NOX4: variants seen among roughly 807,000 people sequenced by gnomAD.
NOX4 encodes kidney oxidase-1.
Under a neutral mutation model 87.6 loss-of-function variants are expected in NOX4, and 69 were observed. The observed-to-expected ratio is 0.79, with a 90% CI of 0.65 to 0.96. The LOEUF is 0.96. Ranked by LOEUF, NOX4 falls within the 40% of genes least tolerant of loss-of-function variation. The pLI is 0.00. For missense variants in NOX4, 680 were observed against 681.5 expected, an observed-to-expected ratio of 1.00 and a Z score of 0.02; for synonymous variants, 275 against 238.2, an observed-to-expected ratio of 1.15 and a Z score of -1.42.
chr11:89,581,655 ACTAAGCCC>A, the NOX4 span, among the ~76,000 whole-genome samples: 1 of 152,144 alleles, frequency 6.6e-6, no homozygotes, highest in Non-Finnish European at 1.5e-5. Flanking sequence ...GTTCAAAGAG[ACTAAGCCC>A]CTAATAAATA....
At chr11:89,464,286 C>T (rs932689100) in intron 2 of NOX4, among the ~76,000 whole-genome samples, 23 of 152,166 alleles carry the variant, frequency 1.5e-4, no homozygotes, top group African/African-American at 5.5e-4. Flanking sequence ...CAAAACCCAA[C>T]TGGAAATTTT....
At chr11:89,588,867 G>A in the NOX4 span, among the ~76,000 whole-genome samples, 1 of 152,166 alleles carries the variant, frequency 6.6e-6, no homozygotes, top group Non-Finnish European at 1.5e-5. Flanking sequence ...GTCAATGGCT[G>A]AATATATACA....
At chr11:89,338,203 A>T (rs1045824983) in intron 15 of NOX4, among the ~76,000 whole-genome samples, 5 of 152,154 alleles carry the variant, frequency 3.3e-5, no homozygotes, top group African/African-American at 9.6e-5. Context: ...CTGCCTCTGC[A>T]AATGAAACTA....
intron 8 of NOX4, among the ~76,000 whole-genome samples, chr11:89,411,273 G>T (rs1016577762): frequency 6.6e-6 from 1 of 152,094 alleles, no homozygotes; most frequent in African/African-American, 2.4e-5. Flanking sequence ...GAGATGTACT[G>T]GCTTTAGGTG....
chr11:89,353,553 A>T (rs1328907220), intron 13 of NOX4, among the ~76,000 whole-genome samples: 3 of 152,198 alleles, frequency 2.0e-5, no homozygotes, highest in Admixed American at 6.5e-5. Context: ...GAATACTGTT[A>T]AAATTACTTT....
chr11:89,482,507 A>G (rs1298095502), intron 2 of NOX4, among the ~76,000 whole-genome samples: 1 of 152,014 alleles, frequency 6.6e-6, no homozygotes, highest in Admixed American at 6.6e-5. Context: ...AGGCCATACA[A>G]AGACATTGGA....
chr11:89,361,770 AT>A (rs780606496), intron 12 of NOX4, among the ~76,000 whole-genome samples: 6 of 152,070 alleles, frequency 3.9e-5, no homozygotes, highest in Non-Finnish European at 5.9e-5. Flanking sequence ...ATGAGATTTT[AT>A]TTTTAATTAA....
At chr11:89,430,015 T>C (rs113966567) in intron 7 of NOX4, among the ~76,000 whole-genome samples, 8,717 of 152,218 alleles carry the variant, frequency 0.057, 782 homozygotes, top group African/African-American at 0.19. Flanking sequence ...CATGATGAAG[T>C]GGGCTTCATC....
intron 2 of NOX4, among the ~76,000 whole-genome samples, chr11:89,458,417 T>C (rs1039521174): frequency 1.1e-4 from 16 of 152,236 alleles, no homozygotes; most frequent in African/African-American, 3.8e-4. Context: ...GATTTCATGA[T>C]GAAGACAACA....
the NOX4 span, among the ~76,000 whole-genome samples, chr11:89,569,751 C>A: frequency 6.6e-6 from 1 of 152,068 alleles, no homozygotes; most frequent in African/African-American, 2.4e-5. Context: ...CACCTGTAAT[C>A]CCAGTACTTT....
At chr11:89,340,206 T>A (rs774875782) in intron 14 of NOX4, 35 bp from the exon 15 acceptor site, 13 of 1,310,566 alleles carry the variant, frequency 9.9e-6, no homozygotes, top group Non-Finnish European at 1.4e-5. Context: ...GTGATTAGGA[T>A]GGCAAACACA....
chr11:89,410,603 C>CA (rs1942426295), intron 8 of NOX4, among the ~76,000 whole-genome samples: 1 of 152,138 alleles, frequency 6.6e-6, no homozygotes, highest in Non-Finnish European at 1.5e-5. Flanking sequence ...GAAGAGAACT[C>CA]AGTGTTGCCC....
intron 11 of NOX4, among the ~76,000 whole-genome samples, chr11:89,399,709 C>T (rs1941711717): frequency 6.6e-6 from 1 of 151,164 alleles, no homozygotes; most frequent in African/African-American, 2.4e-5. Flanking sequence ...AAGTGGTCTT[C>T]CTACCTTGAC....
At chr11:89,466,234 C>A (rs534029337) in intron 2 of NOX4, among the ~76,000 whole-genome samples, 2 of 152,072 alleles carry the variant, frequency 1.3e-5, no homozygotes, top group Non-Finnish European at 2.9e-5. Flanking sequence ...ATTTTAAATG[C>A]CATTTAAAGT....
intron 13 of NOX4, among the ~76,000 whole-genome samples, chr11:89,350,764 T>G (rs1033456841): frequency 9.2e-5 from 14 of 152,210 alleles, no homozygotes; most frequent in African/African-American, 3.1e-4. Flanking sequence ...CTACAAATTC[T>G]TTGACTTTCA....
At chr11:89,363,263 T>C (rs1413448807) in intron 12 of NOX4, among the ~76,000 whole-genome samples, 1 of 152,052 alleles carries the variant, frequency 6.6e-6, no homozygotes, top group Non-Finnish European at 1.5e-5. Flanking sequence ...AGGTGAATAT[T>C]TTTGCTCTGT....
At chr11:89,464,497 T>A (rs1404840966) in intron 2 of NOX4, among the ~76,000 whole-genome samples, 1 of 152,178 alleles carries the variant, frequency 6.6e-6, no homozygotes, top group East Asian at 1.9e-4. Context: ...TGAGCAATAT[T>A]CTATTAGCTA....
chr11:89,456,102 T>C (rs1591301683), intron 2 of NOX4, among the ~76,000 whole-genome samples: 1 of 152,168 alleles, frequency 6.6e-6, no homozygotes, highest in Non-Finnish European at 1.5e-5. Context: ...AAAGAAATGA[T>C]AAATGGTTGA....
chr11:89,394,938 T>C (rs1361300615), intron 11 of NOX4, among the ~76,000 whole-genome samples: 1 of 152,192 alleles, frequency 6.6e-6, no homozygotes, highest in Admixed American at 6.5e-5. Context: ...GTCTTTGCTA[T>C]TGTGAATAGT....
Sources: gnomAD v4.1 joint callset for allele counts (sites outside exome capture counted in the v4.1 genomes callset) on GRCh38, gnomAD v4.1.1 for gene constraint, MANE v1.5 for transcripts, NCBI Gene and HGNC (gene_info 2026-07-23, HGNC 2026-07-21) for gene names.